The following CSMD3 variants were observed in gnomAD, a reference collection of about 807,000 sequenced individuals.
The protein encoded by CSMD3 is CUB and Sushi multiple domains 3, also known as CUB and sushi domain-containing protein 3.
In CSMD3, 177 loss-of-function variants were observed where a neutral mutation model predicts 435.2. The ratio of observed to expected loss-of-function variants is 0.41; its 90% CI spans 0.36 to 0.46. The LOEUF (loss-of-function observed/expected upper bound fraction) is 0.46, where lower values mean the gene tolerates loss of function less well. Among genes scored for constraint, CSMD3 ranks in the 20% least tolerant of loss-of-function variants. CSMD3 has a pLI of 0.34. For missense variants in CSMD3, 4,265 were observed against 4,504.6 expected (o/e 0.95, Z 1.52); for synonymous variants, 1,656 against 1,520.5 (o/e 1.09, Z -2.07).
chr8:113,141,665 G>A (rs1174950848), intron 4 of CSMD3, among the ~76,000 whole-genome samples: 2 of 150,732 alleles, frequency 1.3e-5, no homozygotes, highest in African/African-American at 2.4e-5. Context: ...CAGAAAAAAA[G>A]AATAGCAGTG....
rs201134781 is a variant in CSMD3 at position 112,246,993 on chromosome 8, G to A, written c.10222+27C>T. 1.9e-4 allele frequency: 280 copies of A among 1,451,300 alleles called. 4 individuals are homozygous for A. The East Asian group carries it at 6.3e-3, about 32-fold the overall frequency. 89.9% of individuals were successfully genotyped at this position (1,451,300 alleles called of 1,614,324 possible). On this transcript the variant is annotated intron_variant, in intron 64 of 70. Coordinates refer to ENST00000297405, the MANE Select transcript of CSMD3 (RefSeq NM_198123.2). Reference sequence around the variant, plus strand: ...TGCATATAAATTCTTACCCATGATAGCATTATTTCTTATCCATAATACTTA... The same window carrying A: ...TGCATATAAATTCTTACCCATGATAACATTATTTCTTATCCATAATACTTA...
chr8:113,219,445 T>A (rs767288884), intron 3 of CSMD3, among the ~76,000 whole-genome samples: 1 of 151,090 alleles, frequency 6.6e-6, no homozygotes, highest in Non-Finnish European at 1.5e-5. Flanking sequence ...GAAGAAGATA[T>A]AAACACTGAG....
intron 7 of CSMD3, among the ~76,000 whole-genome samples, chr8:112,962,084 CA>C (rs1424828728): frequency 6.6e-6 from 1 of 151,764 alleles, no homozygotes; most frequent in Non-Finnish European, 1.5e-5. Flanking sequence ...CTGACAGCTT[CA>C]AATTAACTTT....
At position 112,243,515 on chromosome 8, in the gene CSMD3, G is replaced by C. The variant is rs115631986; in HGVS notation, c.10402+879C>G. ...ATCGGTGGACACTTCACCCAGATCT[G>C]GTCCAAATATTAATACCATATCACC... is the stretch of plus-strand genomic sequence containing the variant. On this transcript the variant is annotated intron_variant, in intron 65 of 70. Transcript: ENST00000297405. Among the ~76,000 whole-genome samples the C allele has an allele frequency of 6.9e-3, 1,045 of 152,070 alleles. 8 individuals carry two copies. The highest frequency in any genetic ancestry group is 0.024 in the African/African-American group (1,001 of 41,492).
chr8:112,994,808 G>C (rs2085585737), intron 6 of CSMD3, among the ~76,000 whole-genome samples: 1 of 151,468 alleles, frequency 6.6e-6, no homozygotes. Flanking sequence ...ACATATAAAA[G>C]TAACTCAGTT....
intron 23 of CSMD3, among the ~76,000 whole-genome samples, chr8:112,586,445 C>G (rs1830736101): frequency 6.6e-6 from 1 of 150,998 alleles, no homozygotes; most frequent in African/African-American, 2.4e-5. Flanking sequence ...TATTTATTTG[C>G]CAAAATGTTA....
chr8:113,347,790 A>G (rs1432834842), intron 1 of CSMD3, among the ~76,000 whole-genome samples: 1 of 152,166 alleles, frequency 6.6e-6, no homozygotes, highest in African/African-American at 2.4e-5. Flanking sequence ...CATGTTAAAC[A>G]AATAACGTTT....
chr8:112,419,995 A>G (rs1812305884), intron 32 of CSMD3, among the ~76,000 whole-genome samples: 2 of 152,126 alleles, frequency 1.3e-5, no homozygotes, highest in South Asian at 2.1e-4. Flanking sequence ...GTTTTGAACC[A>G]TTTTCAATTT....
intron 9 of CSMD3, among the ~76,000 whole-genome samples, chr8:112,926,496 A>G (rs2050165986): frequency 6.6e-6 from 1 of 152,180 alleles, no homozygotes; most frequent in Non-Finnish European, 1.5e-5. Context: ...AAGGCAAATG[A>G]TATATAATGA....
chr8:112,469,735 G>A (rs1295306720), intron 32 of CSMD3, among the ~76,000 whole-genome samples: 2 of 152,150 alleles, frequency 1.3e-5, no homozygotes, highest in African/African-American at 4.8e-5. Flanking sequence ...CCTGCTGTGC[G>A]GCCCAGTTCC....
chr8:113,406,061 T>C (rs752130470), intron 1 of CSMD3, among the ~76,000 whole-genome samples: 2 of 151,876 alleles, frequency 1.3e-5, no homozygotes, highest in Non-Finnish European at 3.0e-5. Context: ...AAGCTGTATA[T>C]GACAAAATTG....
intron 4 of CSMD3, among the ~76,000 whole-genome samples, chr8:113,123,695 CT>C (rs1211942832): frequency 1.3e-5 from 2 of 151,960 alleles, no homozygotes; most frequent in African/African-American, 4.8e-5. Context: ...CACTGTGTTG[CT>C]GAATCCTTTG....
intron 13 of CSMD3, among the ~76,000 whole-genome samples, chr8:112,765,368 C>A (rs994513235): frequency 1.3e-5 from 2 of 151,456 alleles, no homozygotes; most frequent in South Asian, 2.1e-4. Flanking sequence ...AGAGTCAATG[C>A]AGGAACTAAA....
At chr8:112,345,922 T>G (rs1303990527) in intron 41 of CSMD3, among the ~76,000 whole-genome samples, 175 bp downstream of exon 41, 1 of 152,146 alleles carries the variant, frequency 6.6e-6, no homozygotes, top group Non-Finnish European at 1.5e-5. Context: ...TGAAATGTAT[T>G]TGACTTAAGC....
intron 10 of CSMD3, among the ~76,000 whole-genome samples, chr8:112,864,080 T>C (rs1186026756): frequency 1.3e-5 from 2 of 152,110 alleles, no homozygotes; most frequent in Non-Finnish European, 2.9e-5. Context: ...AAGAAACACA[T>C]GTCATTATTT....
intron 3 of CSMD3, among the ~76,000 whole-genome samples, chr8:113,175,039 T>G (rs2092327246): frequency 6.6e-6 from 1 of 151,910 alleles, no homozygotes; most frequent in African/African-American, 2.4e-5. Flanking sequence ...TTGATATTTA[T>G]TTCATTTGTG....
chr8:112,500,561 C>G (rs1383069211), intron 30 of CSMD3, among the ~76,000 whole-genome samples: 1 of 152,028 alleles, frequency 6.6e-6, no homozygotes, highest in Non-Finnish European at 1.5e-5. Flanking sequence ...AGTACAAGGA[C>G]TAAAAATTAT....
At chr8:113,156,781 G>A (rs977910161) in intron 4 of CSMD3, among the ~76,000 whole-genome samples, 4 of 94,492 alleles carry the variant, frequency 4.2e-5, no homozygotes, top group African/African-American at 1.6e-4. Context: ...AATAAATAAA[G>A]TTAGCCAGGC....
intron 22 of CSMD3, among the ~76,000 whole-genome samples, chr8:112,602,710 T>C (rs978309828): frequency 6.6e-6 from 1 of 151,898 alleles, no homozygotes; most frequent in Admixed American, 6.6e-5. Context: ...TTATATGTAT[T>C]ATATACTATA....
Sources: gnomAD v4.1 joint callset for allele counts (sites outside exome capture counted in the v4.1 genomes callset) on GRCh38, gnomAD v4.1.1 for gene constraint, MANE v1.5 for transcripts, NCBI Gene and HGNC (gene_info 2026-07-23, HGNC 2026-07-21) for gene names.